The following CCDC102B variants were observed in gnomAD, a reference collection of about 807,000 sequenced individuals.
The protein encoded by CCDC102B is coiled-coil domain-containing protein 102B.
CCDC102B carries 75 observed loss-of-function variants against 57.4 expected under a neutral mutation model. That is an observed-to-expected ratio of 1.31 (90% CI 1.08 to 1.58). The LOEUF (loss-of-function observed/expected upper bound fraction) is 1.58. CCDC102B is among the 40% of genes most tolerant of loss of function. The pLI, the probability that CCDC102B is intolerant of heterozygous loss-of-function variation, is 0.00. For missense variants in CCDC102B, 636 were observed against 582.6 expected (o/e 1.09, Z -0.94); for synonymous variants, 206 against 201.9 (o/e 1.02, Z -0.17).
At chr18:68,991,943 A>G (rs1313100167) in intron 6 of CCDC102B, among the ~76,000 whole-genome samples, 3 of 152,214 alleles carry the variant, frequency 2.0e-5, no homozygotes, top group Non-Finnish European at 4.4e-5. Flanking sequence ...AGGATAACAC[A>G]TAGAAAGACA....
At chr18:68,808,253 T>C (rs1056107877) in intron 1 of CCDC102B, among the ~76,000 whole-genome samples, 4 of 152,094 alleles carry the variant, frequency 2.6e-5, no homozygotes, top group Non-Finnish European at 4.4e-5. Flanking sequence ...ATGGATATTA[T>C]TTTTATCTTA....
intron 5 of CCDC102B, among the ~76,000 whole-genome samples, chr18:68,882,652 T>C (rs2039734459): frequency 6.6e-6 from 1 of 152,222 alleles, no homozygotes; most frequent in African/African-American, 2.4e-5. Context: ...CACTACCTAG[T>C]ATATAGAATT....
At chr18:68,910,923 GA>G (rs34251212) in intron 6 of CCDC102B, among the ~76,000 whole-genome samples, 46,266 of 147,280 alleles carry the variant, frequency 0.31, 7,607 homozygotes, top group Non-Finnish European at 0.37. Context: ...TAAAAAGGGG[GA>G]AAAAAAAAAA....
intron 2 of CCDC102B, among the ~76,000 whole-genome samples, chr18:68,762,840 A>T (rs777196428): frequency 2.6e-5 from 4 of 152,054 alleles, no homozygotes; most frequent in Non-Finnish European, 4.4e-5. Flanking sequence ...GAAAACATGA[A>T]CAGAAACGTA....
intron 6 of CCDC102B, among the ~76,000 whole-genome samples, chr18:68,973,320 T>A (rs906795937): frequency 4.6e-5 from 7 of 152,124 alleles, no homozygotes; most frequent in Non-Finnish European, 8.8e-5. Flanking sequence ...TCAAATATGA[T>A]TCAGGGAAAT....
intron 5 of CCDC102B, 61 bp downstream of exon 5, chr18:68,874,846 C>T (rs1298326923): frequency 9.4e-7 from 1 of 1,067,864 alleles, no homozygotes; most frequent in Non-Finnish European, 1.4e-6. Context: ...TGTTAAATGC[C>T]ATACTATTTT....
intron 1 of CCDC102B, among the ~76,000 whole-genome samples, chr18:68,822,689 C>T (rs961500395): frequency 5.3e-5 from 8 of 152,172 alleles, no homozygotes; most frequent in Non-Finnish European, 1.0e-4. Context: ...CATGCATACT[C>T]AATGTTTAGC....
chr18:68,759,834 T>C (rs912754307), intron 2 of CCDC102B, among the ~76,000 whole-genome samples: 2 of 152,074 alleles, frequency 1.3e-5, no homozygotes, highest in African/African-American at 2.4e-5. Context: ...ACCACATAGA[T>C]GCCCACACTT....
At chr18:68,938,022 G>A (rs1177085367) in intron 6 of CCDC102B, among the ~76,000 whole-genome samples, 1 of 151,976 alleles carries the variant, frequency 6.6e-6, no homozygotes, top group Non-Finnish European at 1.5e-5. Flanking sequence ...GGACATTTGG[G>A]TTGGTTCCAA....
chr18:68,856,994 CTTTAT>C (rs886864443), intron 4 of CCDC102B, among the ~76,000 whole-genome samples: 11 of 135,092 alleles, frequency 8.1e-5, no homozygotes, highest in East Asian at 2.1e-4. Flanking sequence ...ATGATCCATT[CTTTAT>C]TTTGTTTTGT....
At chr18:68,870,876 G>C (rs187172708) in intron 4 of CCDC102B, among the ~76,000 whole-genome samples, 1 of 152,134 alleles carries the variant, frequency 6.6e-6, no homozygotes, top group Admixed American at 6.5e-5. Flanking sequence ...TGACGATAGG[G>C]TGTGTTACTT....
chr18:68,902,502 G>C (rs1363349562), intron 6 of CCDC102B, among the ~76,000 whole-genome samples: 1 of 152,128 alleles, frequency 6.6e-6, no homozygotes, highest in Non-Finnish European at 1.5e-5. Context: ...CCTCTTTATA[G>C]ATATATAGGA....
chr18:68,834,177 G>A (rs2037264531), intron 1 of CCDC102B, among the ~76,000 whole-genome samples: 1 of 151,976 alleles, frequency 6.6e-6, no homozygotes, highest in South Asian at 2.1e-4. Flanking sequence ...AAAATACACA[G>A]TTAATTGGTA....
chr18:68,738,943 G>A (rs557314716), intron 2 of CCDC102B, among the ~76,000 whole-genome samples: 1 of 150,054 alleles, frequency 6.7e-6, no homozygotes, highest in Non-Finnish European at 1.5e-5. Flanking sequence ...CAAAGTGGAT[G>A]GCCAGGCACA....
chr18:69,055,199 A>G, downstream of CCDC102B: 2 of 946,464 alleles, frequency 2.1e-6, no homozygotes, highest in Non-Finnish European at 2.5e-6. Flanking sequence ...CTCTCATTGT[A>G]AAAGCCTTTG....
intron 6 of CCDC102B, among the ~76,000 whole-genome samples, chr18:68,911,837 C>G (rs573368554): frequency 4.9e-5 from 7 of 141,516 alleles, no homozygotes; most frequent in Non-Finnish European, 9.2e-5. Flanking sequence ...ATAATTTGTA[C>G]AGCAAACCCC....
intron 7 of CCDC102B, among the ~76,000 whole-genome samples, chr18:69,027,194 TA>T (rs1180062083): frequency 8.5e-5 from 13 of 152,190 alleles, no homozygotes; most frequent in African/African-American, 3.1e-4. Context: ...ACAGTGTCCT[TA>T]AAAATCGTGT....
intron 7 of CCDC102B, among the ~76,000 whole-genome samples, chr18:69,019,530 T>G (rs559056973): frequency 3.3e-5 from 5 of 152,206 alleles, no homozygotes; most frequent in African/African-American, 1.2e-4. Context: ...TTCAGATAGT[T>G]TGTTTTTGGT....
At chr18:68,875,670 ATTACT>A (rs1264080062) in intron 5 of CCDC102B, among the ~76,000 whole-genome samples, 1 of 152,102 alleles carries the variant, frequency 6.6e-6, no homozygotes, top group African/African-American at 2.4e-5. Context: ...TCAGCTCCTG[ATTACT>A]TTATTCTGGT....
Sources: gnomAD v4.1 joint callset for allele counts (sites outside exome capture counted in the v4.1 genomes callset) on GRCh38, gnomAD v4.1.1 for gene constraint, MANE v1.5 for transcripts, NCBI Gene and HGNC (gene_info 2026-07-23, HGNC 2026-07-21) for gene names.